ZNF597: variants seen among roughly 807,000 people sequenced by gnomAD.
ZNF597 encodes zinc finger protein 597.
A neutral mutation model predicts 7.3 loss-of-function variants in ZNF597; 5 were observed. That is an observed-to-expected ratio of 0.68 (90% CI 0.36 to 1.44). The LOEUF (loss-of-function observed/expected upper bound fraction) is 1.44, where lower values mean the gene tolerates loss of function less well. ZNF597 is among the 40% of genes most tolerant of loss of function. The pLI is 0.04. For missense variants in ZNF597, 585 were observed against 517.9 expected (o/e 1.13, Z -1.26); for synonymous variants, 209 against 185.4 (o/e 1.13, Z -1.04).
intron 3 of ZNF597, among the ~76,000 whole-genome samples, chr16:3,440,091 A>G (rs979809024): frequency 6.6e-6 from 1 of 152,232 alleles, no homozygotes; most frequent in Non-Finnish European, 1.5e-5. Flanking sequence ...TTAGATACTC[A>G]ATCCTAGTCA....
At chr16:3,442,380 AT>A (rs2034394501) in intron 2 of ZNF597, among the ~76,000 whole-genome samples, 1 of 152,170 alleles carries the variant, frequency 6.6e-6, no homozygotes. Context: ...CTCCATCTCC[AT>A]AAAGAAGTTT....
At chr16:3,438,108 T>C (rs2034324017) in intron 3 of ZNF597, among the ~76,000 whole-genome samples, 1 of 151,558 alleles carries the variant, frequency 6.6e-6, no homozygotes, top group African/African-American at 2.4e-5. Flanking sequence ...GGCACATGCC[T>C]ATAGTCCTAG....
chr16:3,441,834 G>A (rs1000545509), intron 2 of ZNF597, among the ~76,000 whole-genome samples: 2 of 151,890 alleles, frequency 1.3e-5, no homozygotes, highest in African/African-American at 4.8e-5. Flanking sequence ...AATGAAATTA[G>A]CCAGATGTGG....
rs1419878160 is a variant in ZNF597 at position 3,433,638 on chromosome 16, C to A, written c.*2786G>T. ...TGGAATTTATCTCCATCAGTTGACACTGTAAACAGAAGGGTGAAATGCCAT... is the reference window on the plus strand; with the variant it reads ...TGGAATTTATCTCCATCAGTTGACAATGTAAACAGAAGGGTGAAATGCCAT... On this transcript the variant is annotated 3_prime_UTR_variant, in exon 4 of 4. Transcript: ENST00000301744. 1.3e-5 allele frequency: 2 copies of A among 152,212 alleles called. No homozygotes were observed. The highest frequency in any genetic ancestry group is 4.8e-5 in the African/African-American group (2 of 41,466). 9.4% of individuals were successfully genotyped at this position (152,212 alleles called of 1,614,324 possible).
chr16:3,441,085 T>C lies in ZNF597; in HGVS notation c.34-152A>G, dbSNP rs115389621. On this transcript the variant is annotated intron_variant, in intron 2 of 3. Transcript: ENST00000301744. ...GAGCGCAGAAGTAGGGCAAATGGGT[T>C]CTAAGGGGTGGGGTGAGGGTTGGGA... The C allele has an allele frequency of 1.3e-3, 1,300 of 1,023,826 alleles. 14 individuals are homozygous for C. The African/African-American group carries it at 0.018, about 14-fold the overall frequency. 63.4% of individuals were successfully genotyped at this position (1,023,826 alleles called of 1,614,324 possible). A position where few individuals can be genotyped will look rare whatever the true frequency, so the allele number is the denominator to read the frequency against.
chr16:3,436,941 G>C lies in ZNF597; in HGVS notation c.758C>G (p.Pro253Arg). 1.2e-6 allele frequency: 2 copies of C among 1,614,138 alleles called. No homozygotes were observed. The highest frequency in any genetic ancestry group is 1.7e-6 in the Non-Finnish European group (2 of 1,180,014). Residue 253 changes from proline (P) to arginine (R), a missense_variant, in exon 4 of 4, where the codon CCA becomes CGA. Pro to Arg is a moderately radical substitution (Grantham distance 103, BLOSUM62 -2). Transcript: ENST00000301744. The stretch of plus-strand genomic sequence containing the variant: ...GCTTTTCTGATGCTGTGCCAATCCT[G>C]GGAGCCACATAAAACCTCTACCACA... ...SICGRGFMWLPGLAQHQKSHS... is the reference protein window; with the variant it reads ...SICGRGFMWLRGLAQHQKSHS...
Position 3,436,434 on chromosome 16 carries a change from T to A in ZNF597, c.1265A>T (p.Asn422Ile). Residue 422 changes from asparagine to isoleucine, a missense_variant, in exon 4 of 4, where the codon AAC becomes ATC. Asn to Ile is a moderately radical substitution (Grantham distance 149). Coordinates refer to ENST00000301744, the MANE Select transcript of ZNF597 (RefSeq NM_152457.3). ...TTTGTTATATTTACTTTACGTGGTG[T>A]TTTTTATGTGAGTTCGCTTATGAGT... ...LITHKRTHIK[N>I]TT 6.2e-7 allele frequency: 1 copy of A among 1,612,032 alleles called. No individual in the cohort carries two copies. The highest frequency in any genetic ancestry group is 8.5e-7 in the Non-Finnish European group (1 of 1,178,664).
rs1402822149 is a variant in ZNF597, at chr16:3,434,299, T to C, written c.*2125A>G. On this transcript the variant is annotated 3_prime_UTR_variant, in exon 4 of 4. Coordinates refer to ENST00000301744, the MANE Select transcript of ZNF597 (RefSeq NM_152457.3). ...TATGTGCTGATGAGGCTCCTGCCAG[T>C]TTCTCCCACTGAGGGCAGAAGCAGG... 1.3e-5 allele frequency: 2 copies of C among 152,348 alleles called. No homozygotes were observed. The highest frequency in any genetic ancestry group is 4.8e-5 in the African/African-American group (2 of 41,576). The allele number at this position is 152,348 out of a possible 1,614,324, so 9.4% of individuals were successfully genotyped here. A position where few individuals can be genotyped will look rare whatever the true frequency, so the allele number is the denominator to read the frequency against.
chr16:3,441,476 C>T (rs986019161), intron 2 of ZNF597, among the ~76,000 whole-genome samples: 1 of 152,292 alleles, frequency 6.6e-6, no homozygotes, highest in Middle Eastern at 3.4e-3. Flanking sequence ...CACCTGAGGT[C>T]AGGAGTTCAA....
At position 3,432,888 on chromosome 16, in the gene ZNF597, C is replaced by G. The variant is rs1024595835; in HGVS notation, c.*3536G>C. 6.6e-6 allele frequency: 1 copy of G among 152,204 alleles called. No homozygotes were observed. The highest frequency in any genetic ancestry group is 2.4e-5 in the African/African-American group (1 of 41,454). The allele number at this position is 152,204 out of a possible 1,614,324, so 9.4% of individuals were successfully genotyped here. A position where few individuals can be genotyped will look rare whatever the true frequency, so the allele number is the denominator to read the frequency against. On this transcript the variant is annotated 3_prime_UTR_variant, in exon 4 of 4. Coordinates refer to ENST00000301744, the MANE Select transcript of ZNF597 (RefSeq NM_152457.3). ...TCCTACTAAAATCCCACAGGGATAA[C>G]AAGTTTAATGAACATTCAAAATAGA...
In ZNF597 at chr16:3,443,467, C is replaced by T. The variant is rs532650612; in HGVS notation, c.-161G>A. ...CCACGGCCACTGCAAAACTCCCACG[C>T]TCTCATGCTCCTTTACGCAGGAGCT... On this transcript the variant is annotated 5_prime_UTR_variant, in exon 1 of 4. Coordinates refer to ENST00000301744, the MANE Select transcript of ZNF597 (RefSeq NM_152457.3). The T allele has an allele frequency of 5.6e-5, 29 of 521,146 alleles. No individual in the cohort carries two copies. In the Admixed American group the frequency reaches 9.3e-4, roughly 17 times the overall value. The allele number at this position is 521,146 out of a possible 1,614,324, so 32.3% of individuals were successfully genotyped here. A position where few individuals can be genotyped will look rare whatever the true frequency, so the allele number is the denominator to read the frequency against.
chr16:3,432,818 A>C lies in ZNF597; in HGVS notation c.*3606T>G, dbSNP rs1166548256. 6.6e-6 allele frequency: 1 copy of C among 152,234 alleles called. No homozygotes were observed. Among genetic ancestry groups the C allele is most frequent in the Admixed American group, 6.5e-5 (1 of 15,282 alleles). 9.4% of individuals were successfully genotyped at this position (152,234 alleles called of 1,614,324 possible). On this transcript the variant is annotated 3_prime_UTR_variant, in exon 4 of 4. Coordinates refer to ENST00000301744, the MANE Select transcript of ZNF597 (RefSeq NM_152457.3). ...AGATGAATACATACACTTCTAATGT[A>C]ATGAACATCATTTTGTTAAACAGAT...
chr16:3,437,256 G>A lies in ZNF597; in HGVS notation c.443C>T (p.Pro148Leu). 1 of 1,614,104 alleles carries A rather than the reference G, an allele frequency of 6.2e-7. No homozygotes were observed. The highest frequency in any genetic ancestry group is 1.1e-5 in the South Asian group (1 of 91,086). The change falls in exon 4 of 4, where the codon CCC becomes CTC. Residue 148 changes from proline to leucine, a missense_variant. Physicochemically the swap from Pro to Leu is moderately conservative, Grantham distance 98. Transcript: ENST00000301744. ...GTACACATTTTTGGCTCCTTCCCAG[G>A]GAGAATCAAGAATTTCAGAAAGTGT... ...TNTLSEILDSPWEGAKNVYKC... is the reference protein window; with the variant it reads ...TNTLSEILDSLWEGAKNVYKC...
At chr16:3,443,100 G>T (rs1476509550) in intron 2 of ZNF597, 21 bp downstream of exon 2, 1 of 1,614,152 alleles carries the variant, frequency 6.2e-7, no homozygotes, top group Non-Finnish European at 8.5e-7. Context: ...AAACTTGGAC[G>T]AAAAAGGTAC....
At chr16:3,443,300 C>G (rs559596695) in intron 1 of ZNF597, 60 bp downstream of exon 1, 45 of 762,050 alleles carry the variant, frequency 5.9e-5, no homozygotes, top group Non-Finnish European at 6.3e-5. Flanking sequence ...CGAACCCCCC[C>G]TTAAAAACCT....
At position 3,437,433 on chromosome 16, in the gene ZNF597, T is replaced by C; in HGVS notation, c.266A>G (p.Tyr89Cys). Residue 89 changes from tyrosine to cysteine, a missense_variant, in exon 4 of 4, where the codon TAC (tyrosine) becomes TGC (cysteine). Physicochemically the swap from Tyr to Cys is radical, Grantham distance 194 (BLOSUM62 -2). Coordinates refer to ENST00000301744, the MANE Select transcript of ZNF597 (RefSeq NM_152457.3). ...TCCATCCTCAGAGGATTTTTCTGGG[T>C]AAGGGACAAGGGGTGCAGCAATGGG... ...KYPIAAPLVPYPEKSSEDGVG... is the reference protein window; with the variant it reads ...KYPIAAPLVPCPEKSSEDGVG... The C allele has an allele frequency of 6.2e-7, 1 of 1,614,068 alleles. No homozygotes were observed.
Position 3,436,164 on chromosome 16 carries a change from G to C in ZNF597, c.*260C>G, listed in dbSNP as rs772337366. ...AAAATTGAATTTAAACAAAAGTTGT[G>C]TATCTTCTTCTGGCTCACAGTTGTA... is the stretch of plus-strand genomic sequence containing the variant. On this transcript the variant is annotated 3_prime_UTR_variant, in exon 4 of 4. Transcript: ENST00000301744. 1 of 387,846 alleles carries C rather than the reference G, an allele frequency of 2.6e-6. No individual in the cohort carries two copies. The highest frequency in any genetic ancestry group is 4.6e-6 in the Non-Finnish European group (1 of 217,662). The allele number at this position is 387,846 out of a possible 1,614,324, so 24.0% of individuals were successfully genotyped here.
At position 3,436,859 on chromosome 16, in the gene ZNF597, T is replaced by C. The variant is rs1314330650; in HGVS notation, c.840A>G (p.Lys280=). ...STNCDKHFNE[K]PNLALPEETF... is the part of the protein sequence containing the mutation. ...TTTCCTCAGGCAAAGCAAGATTTGG[T>C]TTCTCATTAAAATGTTTATCACAGT... The change falls in exon 4 of 4, where the codon AAA becomes AAG. Residue 280 remains lysine (K), a synonymous_variant. Transcript: ENST00000301744. 1.2e-6 allele frequency: 2 copies of C among 1,614,224 alleles called. No homozygotes were observed. Among genetic ancestry groups the C allele is most frequent in the Non-Finnish European group, 1.7e-6 (2 of 1,180,040 alleles).
At position 3,437,500 on chromosome 16, in the gene ZNF597, G is replaced by C. The variant is rs183746167; in HGVS notation, c.199C>G (p.Leu67Val). The C allele has an allele frequency of 2.2e-4, 353 of 1,608,542 alleles. 2 individuals are homozygous for C. The highest frequency in any genetic ancestry group is 1.8e-3 in the South Asian group (163 of 89,744). ...GKPEINQQLSLESMELDELAL... is the reference protein window; with the variant it reads ...GKPEINQQLSVESMELDELAL... Reference sequence around the variant, plus strand: ...AGCTCGTCAAGTTCCATAGACTCTAGGCTTAACTGCTGATTAATCTCAGGC... The same window carrying C: ...AGCTCGTCAAGTTCCATAGACTCTACGCTTAACTGCTGATTAATCTCAGGC... The change falls in exon 4 of 4, where the codon CTA (leucine) becomes GTA (valine). Residue 67 changes from leucine to valine, a missense_variant. Physicochemically the swap from Leu to Val is conservative, Grantham distance 32 (BLOSUM62 1). Coordinates refer to ENST00000301744, the MANE Select transcript of ZNF597 (RefSeq NM_152457.3).
Sources: allele counts gnomAD v4.1 joint callset (sites outside exome capture counted in the v4.1 genomes callset), GRCh38; gene constraint gnomAD v4.1.1; transcripts MANE v1.5; gene names NCBI Gene and HGNC (gene_info 2026-07-23, HGNC 2026-07-21).